The following PDE10A variants were observed in gnomAD, a reference collection of about 807,000 sequenced individuals.
The protein encoded by PDE10A is phosphodiesterase 10A.
PDE10A carries 39 observed loss-of-function variants against 97.7 expected under a neutral mutation model. The ratio of observed to expected loss-of-function variants is 0.40; its 90% CI spans 0.31 to 0.52. The LOEUF (loss-of-function observed/expected upper bound fraction) is 0.52. PDE10A is among the 20% of genes least tolerant of loss of function. The probability of loss-of-function intolerance (pLI) is 0.56; values close to 1 mark genes in which losing one functional copy is unlikely to be tolerated. For synonymous variants in PDE10A, 371 were observed against 376.8 expected, an observed-to-expected ratio of 0.98 and a Z score of 0.18; for missense variants, 731 against 1,047.8, an observed-to-expected ratio of 0.70 and a Z score of 4.17.
At chr6:165,953,639 C>T (rs944569021) in intron 1 of PDE10A, among the ~76,000 whole-genome samples, 2 of 151,904 alleles carry the variant, frequency 1.3e-5, no homozygotes, top group Admixed American at 6.6e-5. Context: ...TTTAAGTTTA[C>T]AGAAAACTGA....
At chr6:165,941,447 C>T (rs1388182069) in intron 1 of PDE10A, among the ~76,000 whole-genome samples, 1 of 152,158 alleles carries the variant, frequency 6.6e-6, no homozygotes, top group Admixed American at 6.5e-5. Context: ...CTTGGCCTTC[C>T]CACAGAGCCC....
At chr6:165,641,643 G>T (rs1050892362) in intron 1 of PDE10A, among the ~76,000 whole-genome samples, 5 of 152,196 alleles carry the variant, frequency 3.3e-5, no homozygotes, top group African/African-American at 9.7e-5. Context: ...TGCCTTGGGG[G>T]CAGGCCCTCC....
intron 3 of PDE10A, among the ~76,000 whole-genome samples, chr6:165,480,626 A>AAAAACAAAACC (rs1310415960): frequency 6.6e-6 from 1 of 152,172 alleles, no homozygotes; most frequent in Non-Finnish European, 1.5e-5. Context: ...AGGGGAAAGA[A>AAAAACAAAACC]AAAACAAAAC....
chr6:165,704,186 T>C (rs1791649263), intron 1 of PDE10A, among the ~76,000 whole-genome samples: 1 of 152,164 alleles, frequency 6.6e-6, no homozygotes, highest in African/African-American at 2.4e-5. Context: ...TGTTGTTGGC[T>C]GCGGTCCTTG....
At chr6:165,754,538 A>G (rs1793074543) in intron 1 of PDE10A, among the ~76,000 whole-genome samples, 1 of 152,228 alleles carries the variant, frequency 6.6e-6, no homozygotes, top group Non-Finnish European at 1.5e-5. Flanking sequence ...TAATAGTTCT[A>G]GAGATATAGG....
Position 165,855,819 on chromosome 6 carries a change from C to G in PDE10A, c.-615+131710G>C, listed in dbSNP as rs186163514. Among the ~76,000 whole-genome samples, 767 of 152,176 alleles carry G rather than the reference C, an allele frequency of 5.0e-3. 2 individuals carry two copies. The highest frequency in any genetic ancestry group is 8.3e-3 in the Non-Finnish European group (564 of 68,000). The stretch of plus-strand genomic sequence containing the variant: ...GGCAGTTCTTGTCTGGGCGGCTGGT[C>G]AGGTCCAATGGGCACAGCCACTTTG... On this transcript the variant is annotated intron_variant, in intron 1 of 19. Coordinates refer to the PDE10A transcript ENST00000366882.
intron 1 of PDE10A, among the ~76,000 whole-genome samples, chr6:165,857,411 AGAG>A (rs766477892): frequency 1.3e-5 from 2 of 152,166 alleles, no homozygotes; most frequent in Admixed American, 6.5e-5. Context: ...GGGGTCAGAG[AGAG>A]GAGAATACCT....
intron 1 of PDE10A, among the ~76,000 whole-genome samples, chr6:165,628,032 G>C (rs186987416): frequency 1.3e-5 from 2 of 152,314 alleles, no homozygotes; most frequent in East Asian, 3.9e-4. Context: ...ACATCAGGAT[G>C]ACAAACAAAA....
chr6:165,984,128 C>T (rs1785107464), intron 1 of PDE10A, among the ~76,000 whole-genome samples: 1 of 152,162 alleles, frequency 6.6e-6, no homozygotes, highest in African/African-American at 2.4e-5. Context: ...TTGCCAAATA[C>T]AAAGGATATA....
intron 1 of PDE10A, among the ~76,000 whole-genome samples, chr6:165,718,007 T>C (rs1792068265): frequency 6.6e-6 from 1 of 152,230 alleles, no homozygotes; most frequent in Non-Finnish European, 1.5e-5. Context: ...CCCTTATCAG[T>C]TATATGACTC....
At chr6:165,847,057 T>C (rs1780440738) in intron 1 of PDE10A, among the ~76,000 whole-genome samples, 16 of 152,206 alleles carry the variant, frequency 1.1e-4, no homozygotes, top group Admixed American at 1.0e-3. Context: ...CAGGAGACTT[T>C]GCCAACACCA....
At chr6:165,339,560 C>T (rs1014598847) in intron 19 of PDE10A, among the ~76,000 whole-genome samples, 2 of 152,144 alleles carry the variant, frequency 1.3e-5, no homozygotes, top group Non-Finnish European at 2.9e-5. Flanking sequence ...TTCTCCACTA[C>T]TGAATTACCA....
At position 165,647,622 on chromosome 6, in the gene PDE10A, C is replaced by T. The variant is rs375016153; in HGVS notation, c.865+14325G>A. Among the ~76,000 whole-genome samples, 58 of 152,070 alleles carry T rather than the reference C, an allele frequency of 3.8e-4. 1 individual carries two copies. The East Asian group carries it at 6.0e-3, about 16-fold the overall frequency. The stretch of plus-strand genomic sequence containing the variant: ...CTTGCCAAGAAAGTGGAATTGCTTG[C>T]GGACTCCAGCCATTTCCTGATATCA... On this transcript the variant is annotated intron_variant, in intron 1 of 21. Coordinates refer to ENST00000539869, the MANE Select transcript of PDE10A (RefSeq NM_001385079.1).
chr6:165,535,751 C>T (rs1783047937), intron 2 of PDE10A, among the ~76,000 whole-genome samples: 2 of 151,450 alleles, frequency 1.3e-5, no homozygotes. Context: ...ATTTATTTTC[C>T]TAGGAATAAA....
chr6:165,669,230 C>A (rs1213910378), intron 1 of PDE10A, among the ~76,000 whole-genome samples: 1 of 152,170 alleles, frequency 6.6e-6, no homozygotes, highest in Non-Finnish European at 1.5e-5. Context: ...TGTGTTTGTT[C>A]TCTATAGGAC....
intron 2 of PDE10A, among the ~76,000 whole-genome samples, chr6:165,503,157 C>A (rs773385058): frequency 7.2e-5 from 11 of 152,090 alleles, no homozygotes; most frequent in Non-Finnish European, 1.3e-4. Flanking sequence ...ACTCCTGGAT[C>A]CACGCTTCAA....
intron 18 of PDE10A, among the ~76,000 whole-genome samples, chr6:165,376,783 G>A (rs1784629463): frequency 6.6e-6 from 1 of 152,156 alleles, no homozygotes; most frequent in African/African-American, 2.4e-5. Flanking sequence ...GCTGGGCATG[G>A]TGGTGTGTGC....
At chr6:165,488,194 T>A (rs1245461253) in intron 2 of PDE10A, among the ~76,000 whole-genome samples, 1 of 152,144 alleles carries the variant, frequency 6.6e-6, no homozygotes, top group Non-Finnish European at 1.5e-5. Flanking sequence ...GTGGGATGAA[T>A]AAATTAGGAA....
At position 165,422,496 on chromosome 6, in the gene PDE10A, C is replaced by T. The variant is rs576739160; in HGVS notation, c.1654-3719G>A. On this transcript the variant is annotated intron_variant, in intron 10 of 21. Transcript: ENST00000539869. Reference sequence around the variant, plus strand: ...ACATACGCATACACACCTATGCATACGTTTACCTATAAGTGAAACAACACT... The same window carrying T: ...ACATACGCATACACACCTATGCATATGTTTACCTATAAGTGAAACAACACT... 2.2e-4 allele frequency among the ~76,000 whole-genome samples: 34 copies of T among 152,128 alleles called. 1 individual carries two copies. The highest frequency in any genetic ancestry group is 8.0e-4 in the African/African-American group (33 of 41,466).
Sources: gnomAD v4.1 joint callset for allele counts (sites outside exome capture counted in the v4.1 genomes callset) on GRCh38, gnomAD v4.1.1 for gene constraint, MANE v1.5 for transcripts, NCBI Gene and HGNC (gene_info 2026-07-23, HGNC 2026-07-21) for gene names.